C19orf18: variants seen among roughly 807,000 people sequenced by gnomAD.
C19orf18 encodes chromosome 19 open reading frame 18.
Under a neutral mutation model 23.3 loss-of-function variants are expected in C19orf18, and 21 were observed. The observed-to-expected ratio is 0.90, with a 90% CI of 0.64 to 1.30. The LOEUF is 1.30. Ranked by LOEUF, C19orf18 falls within the 50% of genes most tolerant of loss-of-function variation. C19orf18 has a pLI of 0.00. For missense variants in C19orf18, 249 were observed against 259.6 expected (o/e 0.96, Z 0.28); for synonymous variants, 96 against 95.2 (o/e 1.01, Z -0.05).
intron 4 of C19orf18, among the ~76,000 whole-genome samples, chr19:57,964,868 A>C (rs2072897764): frequency 6.6e-6 from 1 of 152,154 alleles, no homozygotes. Flanking sequence ...AGGAGTCAGA[A>C]TCTGTTGGTT....
chr19:57,974,170 G>A lies in C19orf18; in HGVS notation c.155C>T (p.Thr52Ile), dbSNP rs750580463. The A allele has an allele frequency of 1.1e-4, 184 of 1,614,070 alleles. 1 individual carries two copies. The South Asian group carries it at 1.9e-3, about 17-fold the overall frequency. ...SKRSQPPRNI[T>I]KEPKVFFHKT... ...ATGAAAGAACACTTTGGGCTCTTTG[G>A]TGATGTTTCTGGGTGGTTGTGACCG... The change falls in exon 2 of 6, where the codon ACC becomes ATC. Residue 52 changes from threonine (T) to isoleucine (I), a missense_variant. Thr to Ile is a moderately conservative substitution (Grantham distance 89). Coordinates refer to ENST00000314391, the MANE Select transcript of C19orf18 (RefSeq NM_152474.5).
At chr19:57,963,677 G>A (rs1300093965) in intron 4 of C19orf18, among the ~76,000 whole-genome samples, 1 of 152,082 alleles carries the variant, frequency 6.6e-6, no homozygotes, top group East Asian at 1.9e-4. Context: ...CACGAGGTCA[G>A]GAGATTGAGA....
intron 5 of C19orf18, among the ~76,000 whole-genome samples, chr19:57,960,997 C>A (rs1305244451): frequency 6.6e-6 from 1 of 151,960 alleles, no homozygotes; most frequent in Non-Finnish European, 1.5e-5. Flanking sequence ...GGCACCCGAG[C>A]GTTGGTGGTA....
intron 3 of C19orf18, among the ~76,000 whole-genome samples, chr19:57,969,569 A>G (rs1173803332): frequency 0.023 from 1,720 of 73,758 alleles, 59 homozygotes; most frequent in African/African-American, 0.087. Flanking sequence ...AAAAACAGAA[A>G]AAAAAAAAAA....
intron 3 of C19orf18, among the ~76,000 whole-genome samples, chr19:57,971,983 G>C (rs936192429): frequency 6.6e-6 from 1 of 152,160 alleles, no homozygotes. Context: ...GGTAGGTGGT[G>C]GGGGAGCTGA....
intron 2 of C19orf18, among the ~76,000 whole-genome samples, chr19:57,973,320 T>A (rs1236903523): frequency 2.0e-5 from 3 of 151,966 alleles, no homozygotes; most frequent in Non-Finnish European, 4.4e-5. Flanking sequence ...GCATCATATA[T>A]CTCCACAAAG....
intron 5 of C19orf18, among the ~76,000 whole-genome samples, chr19:57,959,867 T>C (rs1237255279): frequency 2.7e-5 from 4 of 150,642 alleles, no homozygotes; most frequent in African/African-American, 9.8e-5. Context: ...CCTAGCACTT[T>C]GGGAGGCCGA....
intron 5 of C19orf18, among the ~76,000 whole-genome samples, chr19:57,959,447 A>AT (rs535101532): frequency 1.3e-5 from 2 of 150,100 alleles, no homozygotes; most frequent in African/African-American, 4.9e-5. Flanking sequence ...ACATGGTGAG[A>AT]CCCCCCATCT....
At chr19:57,972,858 G>T (rs554119196) in intron 2 of C19orf18, among the ~76,000 whole-genome samples, 3 of 152,078 alleles carry the variant, frequency 2.0e-5, no homozygotes, top group East Asian at 1.9e-4. Context: ...AAGGGGCTAC[G>T]ACCTCATTAG....
At chr19:57,969,659 C>A (rs1217675285) in intron 3 of C19orf18, among the ~76,000 whole-genome samples, 2 of 144,742 alleles carry the variant, frequency 1.4e-5, no homozygotes, top group African/African-American at 5.2e-5. Context: ...GTAATCCCAG[C>A]ACTTTGGGAG....
intron 5 of C19orf18, 56 bp downstream of exon 5, chr19:57,961,335 C>G: frequency 6.7e-7 from 1 of 1,497,868 alleles, no homozygotes; most frequent in South Asian, 1.3e-5. Flanking sequence ...AAAAGAAACG[C>G]AAGCTGCCGC....
intron 4 of C19orf18, among the ~76,000 whole-genome samples, chr19:57,964,105 C>T (rs1443926328): frequency 6.6e-6 from 1 of 151,916 alleles, no homozygotes; most frequent in Non-Finnish European, 1.5e-5. Flanking sequence ...TTGGTTTTGG[C>T]CCCAGGCTCC....
At chr19:57,972,630 G>T in intron 2 of C19orf18, 126 bp from the exon 3 acceptor site, 1 of 1,035,490 alleles carries the variant, frequency 9.7e-7, no homozygotes, top group Non-Finnish European at 1.4e-6. Flanking sequence ...AAATATCTAA[G>T]ATGGGATGTG....
chr19:57,960,251 C>G (rs1221472173), intron 5 of C19orf18, among the ~76,000 whole-genome samples: 1 of 151,458 alleles, frequency 6.6e-6, no homozygotes, highest in Non-Finnish European at 1.5e-5. Flanking sequence ...ACGGTGAAAC[C>G]CCGTCTCTAC....
chr19:57,964,343 G>A (rs1336420346), intron 4 of C19orf18, among the ~76,000 whole-genome samples: 1 of 152,204 alleles, frequency 6.6e-6, no homozygotes, highest in Non-Finnish European at 1.5e-5. Flanking sequence ...GTGCAGTGGT[G>A]CAATCTCAGC....
At chr19:57,969,806 T>C (rs961220174) in intron 3 of C19orf18, among the ~76,000 whole-genome samples, 3 of 145,688 alleles carry the variant, frequency 2.1e-5, no homozygotes, top group Non-Finnish European at 4.5e-5. Flanking sequence ...CTCAGGAGGC[T>C]GAGGCAGGAG....
chr19:57,959,873 G>A (rs1272547907), intron 5 of C19orf18, among the ~76,000 whole-genome samples: 1 of 151,584 alleles, frequency 6.6e-6, no homozygotes, highest in Non-Finnish European at 1.5e-5. Flanking sequence ...ACTTTGGGAG[G>A]CCGAGGCGGG....
At chr19:57,966,332 T>C (rs1458512696) in intron 4 of C19orf18, among the ~76,000 whole-genome samples, 198 bp downstream of exon 4, 1 of 152,210 alleles carries the variant, frequency 6.6e-6, no homozygotes, top group Non-Finnish European at 1.5e-5. Flanking sequence ...TGTGTCTTTC[T>C]TTCTTTTTTT....
chr19:57,974,521 C>T lies in C19orf18; in HGVS notation c.-89G>A, dbSNP rs2072969829. 6.6e-7 allele frequency: 1 copy of T among 1,519,506 alleles called. No individual in the cohort carries two copies. Among genetic ancestry groups the T allele is most frequent in the East Asian group, 2.3e-5 (1 of 44,312 alleles). The allele number at this position is 1,519,506 out of a possible 1,614,324, so 94.1% of individuals were successfully genotyped here. On this transcript the variant is annotated 5_prime_UTR_variant, in exon 1 of 6. Transcript: ENST00000314391. Reference sequence around the variant, plus strand: ...TCTGTCCTCTATTTATCTGAGGAATCAAGAAGTTCTACTCCCTTCAGAATG... The same window carrying T: ...TCTGTCCTCTATTTATCTGAGGAATTAAGAAGTTCTACTCCCTTCAGAATG...
Sources: allele counts gnomAD v4.1 joint callset (sites outside exome capture counted in the v4.1 genomes callset), GRCh38; gene constraint gnomAD v4.1.1; transcripts MANE v1.5; gene names NCBI Gene and HGNC (gene_info 2026-07-23, HGNC 2026-07-21).